Variants in DOLK observed in about 807,000 individuals in gnomAD.
DOLK encodes dolichol kinase, also known as SEC59 homolog.
DOLK carries 20 observed loss-of-function variants against 31.7 expected under a neutral mutation model. That is an observed-to-expected ratio of 0.63 (90% CI 0.44 to 0.92). The LOEUF (loss-of-function observed/expected upper bound fraction) is 0.92, where lower values mean the gene tolerates loss of function less well. Among genes scored for constraint, DOLK ranks in the 40% least tolerant of loss-of-function variants. The pLI is 0.00. For missense variants in DOLK, 594 were observed against 680.7 expected, an observed-to-expected ratio of 0.87 and a Z score of 1.42; for synonymous variants, 309 against 287.0, an observed-to-expected ratio of 1.08 and a Z score of -0.77.
Position 128,947,422 on chromosome 9 carries a change from C to A in DOLK, c.-119G>T, listed in dbSNP as rs1044300706. On this transcript the variant is annotated 5_prime_UTR_variant, in exon 1 of 1. Coordinates refer to ENST00000372586, the MANE Select transcript of DOLK (RefSeq NM_014908.4). ...CACCCGGCCAGCAACCTTCTCCCTC[C>A]GTTCTCCAGCAGCGAGGAGGGAACT... 5.8e-5 allele frequency: 77 copies of A among 1,322,718 alleles called. No individual in the cohort carries two copies. The highest frequency in any genetic ancestry group is 6.6e-5 in the Non-Finnish European group (62 of 939,636). The allele number at this position is 1,322,718 out of a possible 1,614,324, so 81.9% of individuals were successfully genotyped here.
Position 128,947,411 on chromosome 9 carries a change from CCTT to C in DOLK, c.-111_-109del, listed in dbSNP as rs1173681149. The C allele has an allele frequency of 4.3e-6, 6 of 1,384,976 alleles. No individual in the cohort carries two copies. Among genetic ancestry groups the C allele is most frequent in the Non-Finnish European group, 6.0e-6 (6 of 991,798 alleles). 85.8% of individuals were successfully genotyped at this position (1,384,976 alleles called of 1,614,324 possible). ...GGAGGCACTTTCACCCGGCCAGCAA[CCTT>C]CTCCCTCCGTTCTCCAGCAGCGAGG... On this transcript the variant is annotated 5_prime_UTR_variant, in exon 1 of 1. Transcript: ENST00000372586.
chr9:128,946,024 G>A lies in DOLK; in HGVS notation c.1280C>T (p.Thr427Ile), dbSNP rs370282147. The change falls in exon 1 of 1, where the codon ACA (threonine) becomes ATA (isoleucine). Residue 427 changes from threonine to isoleucine, a missense_variant. Transcript: ENST00000372586. ...GGCTCCTCCCAGGCTACCCTTCTGT[G>A]TGCAGGGTCTGGGGATCAGCCAGAT... ...LPIWLIPRPC[T>I]QKGSLGGARA... The A allele has an allele frequency of 6.2e-6, 10 of 1,614,048 alleles. No homozygotes were observed. The highest frequency in any genetic ancestry group is 1.3e-5 in the African/African-American group (1 of 74,918).
Position 128,947,337 on chromosome 9 carries a change from C to A in DOLK, c.-34G>T, listed in dbSNP as rs1376034061. On this transcript the variant is annotated 5_prime_UTR_variant, in exon 1 of 1. Transcript: ENST00000372586. ...ACCTGGGGCTTCACGGAGGCCGGGG[C>A]GACTACGGACGCCCTAGACTTCGGG... The A allele has an allele frequency of 6.2e-7, 1 of 1,610,650 alleles. No individual in the cohort carries two copies. The highest frequency in any genetic ancestry group is 8.5e-7 in the Non-Finnish European group (1 of 1,179,722).
rs1841646345 is a variant in DOLK, at chr9:128,945,622, T to C, written c.*65A>G. 3 of 1,592,042 alleles carry C rather than the reference T, an allele frequency of 1.9e-6. No individual in the cohort carries two copies. The Admixed American group carries it at 5.0e-5, about 27-fold the overall frequency. On this transcript the variant is annotated 3_prime_UTR_variant, in exon 1 of 1. Coordinates refer to ENST00000372586, the MANE Select transcript of DOLK (RefSeq NM_014908.4). ...GGCTCTTCATGCCCAAGTAGCTGTC[T>C]GCTGTGGGGACTGTTCACCCTCCCC...
rs1269131799 is a variant in DOLK, at chr9:128,946,268, C to G, written c.1036G>C (p.Ala346Pro). ...ARKYFHLIVVATYIPGIIFDR... is the reference protein window; with the variant it reads ...ARKYFHLIVVPTYIPGIIFDR... Reference sequence around the variant, plus strand: ...AAGATGATACCTGGGATGTAGGTGGCTACCACAATGAGGTGGAAATACTTT... The same window carrying G: ...AAGATGATACCTGGGATGTAGGTGGGTACCACAATGAGGTGGAAATACTTT... The change falls in exon 1 of 1, where the codon GCC becomes CCC. Residue 346 changes from alanine (A) to proline (P), a missense_variant. Ala to Pro is a conservative substitution (Grantham distance 27). Coordinates refer to ENST00000372586, the MANE Select transcript of DOLK (RefSeq NM_014908.4). The G allele has an allele frequency of 1.2e-6, 2 of 1,614,002 alleles. No individual in the cohort carries two copies. Among genetic ancestry groups the G allele is most frequent in the African/African-American group, 2.7e-5 (2 of 74,910 alleles).
At position 128,946,993 on chromosome 9, in the gene DOLK, T is replaced by C. The variant is rs1458968034; in HGVS notation, c.311A>G (p.Asn104Ser). The C allele has an allele frequency of 6.2e-7, 1 of 1,607,946 alleles. No individual in the cohort carries two copies. The change falls in exon 1 of 1, where the codon AAC becomes AGC. Residue 104 changes from asparagine to serine, a missense_variant. Asn to Ser is a conservative substitution (Grantham distance 46). Coordinates refer to ENST00000372586, the MANE Select transcript of DOLK (RefSeq NM_014908.4). ...VMKERCQTAGNPFFERFGIVV... is the reference protein window; with the variant it reads ...VMKERCQTAGSPFFERFGIVV... ...AATGCCAAAACGCTCAAAGAACGGG[T>C]TCCCAGCAGTCTGGCACCGCTCCTT...
At position 128,945,626 on chromosome 9, in the gene DOLK, G is replaced by C. The variant is rs547311623; in HGVS notation, c.*61C>G. On this transcript the variant is annotated 3_prime_UTR_variant, in exon 1 of 1. Coordinates refer to ENST00000372586, the MANE Select transcript of DOLK (RefSeq NM_014908.4). ...CTTCATGCCCAAGTAGCTGTCTGCT[G>C]TGGGGACTGTTCACCCTCCCCATGT... 3.8e-5 allele frequency: 61 copies of C among 1,587,360 alleles called. 1 individual carries two copies. In the South Asian group the frequency reaches 6.3e-4, roughly 16 times the overall value.
Position 128,947,233 on chromosome 9 carries a change from G to C in DOLK, c.71C>G (p.Ala24Gly), listed in dbSNP as rs1841689900. The change falls in exon 1 of 1, where the codon GCG becomes GGG. Residue 24 changes from alanine (A) to glycine (G), a missense_variant. Coordinates refer to ENST00000372586, the MANE Select transcript of DOLK (RefSeq NM_014908.4). The part of the protein sequence containing the change: ...APLSGSVLAE[A>G]AVVFAVVLSI... ...CAGCACCACTGCAAACACTACTGCCGCCTCTGCCAGCACCGATCCACTCAG... is the reference window on the plus strand; with the variant it reads ...CAGCACCACTGCAAACACTACTGCCCCCTCTGCCAGCACCGATCCACTCAG... The C allele has an allele frequency of 6.2e-7, 1 of 1,613,170 alleles. No homozygotes were observed. Among genetic ancestry groups the C allele is most frequent in the African/African-American group, 1.3e-5 (1 of 74,900 alleles).
rs1197975459 is a variant in DOLK at position 128,946,985 on chromosome 9, A to C, written c.319T>G (p.Phe107Val). 2 of 1,606,444 alleles carry C rather than the reference A, an allele frequency of 1.2e-6. No homozygotes were observed. Among genetic ancestry groups the C allele is most frequent in the South Asian group, 1.1e-5 (1 of 91,078 alleles). The change falls in exon 1 of 1, where the codon TTT becomes GTT. Residue 107 changes from phenylalanine (F) to valine (V), a missense_variant. Phe to Val is a conservative substitution (Grantham distance 50). Coordinates refer to ENST00000372586, the MANE Select transcript of DOLK (RefSeq NM_014908.4). Reference protein sequence around the residue: ...ERCQTAGNPFFERFGIVVAAT... With the variant: ...ERCQTAGNPFVERFGIVVAAT... ...GCCACCACAATGCCAAAACGCTCAA[A>C]GAACGGGTTCCCAGCAGTCTGGCAC...
At position 128,946,221 on chromosome 9, in the gene DOLK, T is replaced by C. The variant is rs1203714610; in HGVS notation, c.1083A>G (p.Val361=). ...GIIFDRPLLY[V]AATVCLAVFI... Reference sequence around the variant, plus strand: ...AGACCGCCAGGCATACAGTGGCGGCTACATAGAGCAGTGGCCGGTCAAAGA... The same window carrying C: ...AGACCGCCAGGCATACAGTGGCGGCCACATAGAGCAGTGGCCGGTCAAAGA... The change falls in exon 1 of 1, where the codon GTA becomes GTG. Residue 361 remains valine (V), a synonymous_variant. Transcript: ENST00000372586. 3 of 1,614,066 alleles carry C rather than the reference T, an allele frequency of 1.9e-6. No homozygotes were observed. In the South Asian group the frequency reaches 3.3e-5, roughly 18 times the overall value.
In DOLK at chr9:128,947,233, G is replaced by A; in HGVS notation, c.71C>T (p.Ala24Val). ...CAGCACCACTGCAAACACTACTGCC[G>A]CCTCTGCCAGCACCGATCCACTCAG... is the stretch of plus-strand genomic sequence containing the variant. ...APLSGSVLAE[A>V]AVVFAVVLSI... The change falls in exon 1 of 1, where the codon GCG becomes GTG. Residue 24 changes from alanine (A) to valine (V), a missense_variant. Physicochemically the swap from Ala to Val is moderately conservative, Grantham distance 64. Coordinates refer to ENST00000372586, the MANE Select transcript of DOLK (RefSeq NM_014908.4). The A allele has an allele frequency of 3.1e-6, 5 of 1,613,288 alleles. No individual in the cohort carries two copies. Among genetic ancestry groups the A allele is most frequent in the Non-Finnish European group, 4.2e-6 (5 of 1,180,000 alleles).
chr9:128,947,404 C>A lies in DOLK; in HGVS notation c.-101G>T, dbSNP rs1841694616. 4 of 1,433,048 alleles carry A rather than the reference C, an allele frequency of 2.8e-6. No homozygotes were observed. The South Asian group carries it at 4.7e-5, about 17-fold the overall frequency. The allele number at this position is 1,433,048 out of a possible 1,614,324, so 88.8% of individuals were successfully genotyped here. The stretch of plus-strand genomic sequence containing the variant: ...AGCAGAGGGAGGCACTTTCACCCGG[C>A]CAGCAACCTTCTCCCTCCGTTCTCC... On this transcript the variant is annotated 5_prime_UTR_variant, in exon 1 of 1. Transcript: ENST00000372586.
rs1370018181 is a variant in DOLK at position 128,946,806 on chromosome 9, T to G, written c.498A>C (p.Glu166Asp). 6.2e-7 allele frequency: 1 copy of G among 1,613,684 alleles called. No individual in the cohort carries two copies. Among genetic ancestry groups the G allele is most frequent in the Non-Finnish European group, 8.5e-7 (1 of 1,180,012 alleles). The change falls in exon 1 of 1, where the codon GAA (glutamate) becomes GAC (aspartate). Residue 166 changes from glutamate to aspartate, a missense_variant. By Grantham distance (45) the Glu-to-Asp change is conservative (BLOSUM62 2). Transcript: ENST00000372586. ...CGAAGATCAGAAGGACTTCCAGGAC[T>G]TCGATCACCTCCCCCACGCTCAACG... ...KHSLSVGEVI[E>D]VLEVLLIFVY...
Position 128,946,068 on chromosome 9 carries a change from GAGCAGGT to G in DOLK, c.1229_1235del (p.Tyr410SerfsTer10). 6.2e-7 allele frequency: 1 copy of G among 1,614,136 alleles called. No individual in the cohort carries two copies. Among genetic ancestry groups the G allele is most frequent in the Non-Finnish European group, 8.5e-7 (1 of 1,180,022 alleles). On this transcript the variant is annotated frameshift_variant, in exon 1 of 1. Transcript: ENST00000372586. LOFTEE classifies it high-confidence loss of function. ...GCCAGATGGGAAGAGACATGCCCAG[GAGCAGGT>G]AGATGTGTGTCAGAATGAGTGGTCC...
Position 128,947,228 on chromosome 9 carries a change from C to G in DOLK, c.76G>C (p.Val26Leu). 2 of 1,613,158 alleles carry G rather than the reference C, an allele frequency of 1.2e-6. No homozygotes were observed. The highest frequency in any genetic ancestry group is 1.7e-6 in the Non-Finnish European group (2 of 1,179,990). Residue 26 changes from valine (V) to leucine (L), a missense_variant, in exon 1 of 1, where the codon GTA (valine) becomes CTA (leucine). Val to Leu is a conservative substitution (Grantham distance 32). Transcript: ENST00000372586. ...ATGCTCAGCACCACTGCAAACACTA[C>G]TGCCGCCTCTGCCAGCACCGATCCA... The part of the protein sequence containing the change: ...LSGSVLAEAA[V>L]VFAVVLSIHA...
At position 128,946,824 on chromosome 9, in the gene DOLK, G is replaced by A. The variant is rs750749251; in HGVS notation, c.480C>T (p.Ser160=). 2.5e-6 allele frequency: 4 copies of A among 1,613,208 alleles called. No homozygotes were observed. The highest frequency in any genetic ancestry group is 3.3e-4 in the Middle Eastern group (2 of 6,062). The part of the protein sequence containing the change: ...VIIYIMKHSL[S]VGEVIEVLEV... ...CCAGGACTTCGATCACCTCCCCCAC[G>A]CTCAACGAGTGCTTCATGATATAAA... Residue 160 remains serine, a synonymous_variant, in exon 1 of 1, where the codon AGC becomes AGT. Coordinates refer to ENST00000372586, the MANE Select transcript of DOLK (RefSeq NM_014908.4).
chr9:128,946,919 C>A lies in DOLK; in HGVS notation c.385G>T (p.Ala129Ser), dbSNP rs761013512. Residue 129 changes from alanine (A) to serine (S), a missense_variant, in exon 1 of 1, where the codon GCG (alanine) becomes TCG (serine). Ala to Ser is a moderately conservative substitution (Grantham distance 99). Transcript: ENST00000372586. ...MAVALFSSVL[A>S]LGITRPVPTN... ...GGCACTGGGCGAGTGATGCCGAGCGCCAACACTGATGAGAAGAGGGCCACT... is the reference window on the plus strand; with the variant it reads ...GGCACTGGGCGAGTGATGCCGAGCGACAACACTGATGAGAAGAGGGCCACT... The A allele has an allele frequency of 2.9e-5, 46 of 1,604,330 alleles. No homozygotes were observed. Among genetic ancestry groups the A allele is most frequent in the Non-Finnish European group, 3.8e-5 (45 of 1,179,822 alleles).
chr9:128,945,891 C>G lies in DOLK; in HGVS notation c.1413G>C (p.Lys471Asn), dbSNP rs1336940137. 1.9e-6 allele frequency: 3 copies of G among 1,614,198 alleles called. No individual in the cohort carries two copies. In the East Asian group the frequency reaches 6.7e-5, roughly 36 times the overall value. The change falls in exon 1 of 1, where the codon AAG becomes AAC. Residue 471 changes from lysine (K) to asparagine (N), a missense_variant. Transcript: ENST00000372586. ...MGEIRWPGTK[K>N]TFEGTMTSIF... is the part of the protein sequence containing the mutation. ...TAGATGTCATGGTCCCCTCAAAAGT[C>G]TTTTTGGTTCCAGGCCAGCGGATCT...
In DOLK at chr9:128,946,870, C is replaced by G. The variant is rs377064301; in HGVS notation, c.434G>C (p.Gly145Ala). The G allele has an allele frequency of 1.2e-5, 19 of 1,608,770 alleles. No homozygotes were observed. In the African/African-American group the frequency reaches 2.1e-4, roughly 18 times the overall value. ...PVPTNTCVIL[G>A]LAGGVIIYIM... is the part of the protein sequence containing the mutation. ...ATAAATGATAACACCTCCAGCCAAG[C>G]CCAAGATGACACAAGTGTTGGTTGG... The change falls in exon 1 of 1, where the codon GGC becomes GCC. Residue 145 changes from glycine to alanine, a missense_variant. Gly to Ala is a moderately conservative substitution (Grantham distance 60). Coordinates refer to ENST00000372586, the MANE Select transcript of DOLK (RefSeq NM_014908.4).
Sources: allele counts gnomAD v4.1 joint callset, GRCh38; gene constraint gnomAD v4.1.1; transcripts MANE v1.5; gene names NCBI Gene and HGNC (gene_info 2026-07-23, HGNC 2026-07-21).